The following CAPN9 variants were observed in gnomAD, a reference collection of about 807,000 sequenced individuals.
CAPN9 encodes the protein calpain-9.
Under a neutral mutation model 92.8 loss-of-function variants are expected in CAPN9, and 81 were observed. The ratio of observed to expected loss-of-function variants is 0.87; its 90% CI spans 0.73 to 1.05. CAPN9 has a LOEUF of 1.05. Ranked by LOEUF, CAPN9 falls within the 50% of genes least tolerant of loss-of-function variation. The pLI is 0.00. For missense variants in CAPN9, 848 were observed against 866.2 expected (o/e 0.98, Z 0.26); for synonymous variants, 304 against 328.0 (o/e 0.93, Z 0.79).
At chr1:230,776,321 C>T (rs568125902) in intron 8 of CAPN9, 1 of 152,286 alleles carries the variant, frequency 6.6e-6, no homozygotes, top group South Asian at 2.1e-4. Context: ...TCCCAAAGGC[C>T]CCACCTCCTG....
intron 19 of CAPN9, 107 bp downstream of exon 19, chr1:230,798,327 T>C: frequency 1.4e-6 from 1 of 739,096 alleles, no homozygotes. Flanking sequence ...GGCTGACATC[T>C]AGCTGTGGGA....
At chr1:230,750,223 C>T (rs1342523782) in intron 1 of CAPN9, among the ~76,000 whole-genome samples, 2 of 152,216 alleles carry the variant, frequency 1.3e-5, no homozygotes, top group African/African-American at 4.8e-5. Context: ...TGCCACCCAG[C>T]CCATGCCCCT....
chr1:230,771,211 A>G (rs959591279), intron 6 of CAPN9, among the ~76,000 whole-genome samples: 10 of 152,238 alleles, frequency 6.6e-5, no homozygotes, highest in Admixed American at 2.0e-4. Context: ...TGGACTCCGA[A>G]GAGTTGATGT....
intron 4 of CAPN9, among the ~76,000 whole-genome samples, chr1:230,764,497 A>G (rs1665840832): frequency 6.6e-6 from 1 of 152,208 alleles, no homozygotes; most frequent in South Asian, 2.1e-4. Context: ...AGATTGTGAG[A>G]TTTCTTGGCG....
At chr1:230,783,002 G>C (rs1667330524) in intron 11 of CAPN9, among the ~76,000 whole-genome samples, 1 of 152,184 alleles carries the variant, frequency 6.6e-6, no homozygotes, top group Non-Finnish European at 1.5e-5. Flanking sequence ...GTGCCACAGA[G>C]TGAGACTCCG....
chr1:230,752,782 A>G, intron 1 of CAPN9: 6 of 849,170 alleles, frequency 7.1e-6, no homozygotes, highest in Non-Finnish European at 8.5e-6. Context: ...GGGCTGGGCA[A>G]TCAAGACAGG....
At chr1:230,771,636 T>TAG (rs1469017594) in intron 6 of CAPN9, among the ~76,000 whole-genome samples, 2 of 152,262 alleles carry the variant, frequency 1.3e-5, no homozygotes, top group African/African-American at 4.8e-5. Context: ...TTCACTCTGC[T>TAG]AGATGCTGAA....
At chr1:230,774,734 TCTTTC>T in intron 8 of CAPN9, 103 bp downstream of exon 8, 1 of 706,940 alleles carries the variant, frequency 1.4e-6, no homozygotes, top group South Asian at 1.9e-5. Flanking sequence ...TTTCTTTCTT[TCTTTC>T]TTTTTTTTTT....
At chr1:230,780,143 A>T (rs1415446894) in intron 9 of CAPN9, 36 bp from the exon 10 acceptor site, 12 of 1,581,098 alleles carry the variant, frequency 7.6e-6, no homozygotes, top group Non-Finnish European at 9.5e-6. Context: ...GTTGTTTTTT[A>T]AAAGGGGAAA....
In CAPN9 at chr1:230,780,639, G is replaced by T. The variant is rs1168392273; in HGVS notation, c.1412G>T (p.Ser471Ile). 6.2e-7 allele frequency: 1 copy of T among 1,614,086 alleles called. No homozygotes were observed. Residue 471 changes from serine to isoleucine, a missense_variant, in exon 11 of 20, where the codon AGC becomes ATC. By Grantham distance (142) the Ser-to-Ile change is moderately radical. Coordinates refer to ENST00000271971, the MANE Select transcript of CAPN9 (RefSeq NM_006615.3). Reference sequence around the variant, plus strand: ...CCTGGGGAGTACATCCTGATTCCCAGCACTTTTGAGCCCCACCAGGAAGCT... The same window carrying T: ...CCTGGGGAGTACATCCTGATTCCCATCACTTTTGAGCCCCACCAGGAAGCT... The part of the protein sequence containing the change: ...LPPGEYILIP[S>I]TFEPHQEADF...
chr1:230,778,646 A>T (rs886866205), intron 8 of CAPN9, among the ~76,000 whole-genome samples: 1 of 152,042 alleles, frequency 6.6e-6, no homozygotes, highest in Non-Finnish European at 1.5e-5. Flanking sequence ...CTCCACTCAG[A>T]ATGTGCCCCA....
At chr1:230,752,563 G>C (rs574949467) in intron 1 of CAPN9, 1 of 430,712 alleles carries the variant, frequency 2.3e-6, no homozygotes. Flanking sequence ...AGTTGGTACG[G>C]TTGGCGGGGC....
chr1:230,757,963 C>T (rs1572018777), intron 2 of CAPN9, among the ~76,000 whole-genome samples: 1 of 152,232 alleles, frequency 6.6e-6, no homozygotes, highest in East Asian at 1.9e-4. Context: ...TCCCATAGTG[C>T]CCTCTGCTCT....
intron 17 of CAPN9, among the ~76,000 whole-genome samples, chr1:230,794,300 G>A (rs1391982412): frequency 6.6e-6 from 1 of 152,026 alleles, no homozygotes; most frequent in Non-Finnish European, 1.5e-5. Flanking sequence ...TGGCCAACAT[G>A]ATGAAACCCC....
rs7543422 is a variant in CAPN9 at position 230,752,927 on chromosome 1, G to A, written c.214-2410G>A. Among the ~76,000 whole-genome samples the A allele has an allele frequency of 7.1e-4, 108 of 152,112 alleles. 1 individual carries two copies. In the East Asian group the frequency reaches 0.015, roughly 21 times the overall value. ...CCCACCCTGAACCCTACTGCTGAGCGGGGCAGGCTATTCCTGGGACTCTAT... is the reference window on the plus strand; with the variant it reads ...CCCACCCTGAACCCTACTGCTGAGCAGGGCAGGCTATTCCTGGGACTCTAT... On this transcript the variant is annotated intron_variant, in intron 1 of 19. Transcript: ENST00000271971.
chr1:230,777,731 G>A (rs549249043), intron 8 of CAPN9, among the ~76,000 whole-genome samples: 18 of 151,816 alleles, frequency 1.2e-4, no homozygotes, highest in Non-Finnish European at 2.2e-4. Flanking sequence ...CACTTTGCTC[G>A]ATCAGATTAT....
At chr1:230,794,157 G>A (rs917518863) in intron 17 of CAPN9, among the ~76,000 whole-genome samples, 1 of 152,070 alleles carries the variant, frequency 6.6e-6, no homozygotes, top group Non-Finnish European at 1.5e-5. Context: ...AATGAAAGGG[G>A]GAAAGAAATC....
At chr1:230,771,459 T>C (rs1666382844) in intron 6 of CAPN9, among the ~76,000 whole-genome samples, 1 of 152,202 alleles carries the variant, frequency 6.6e-6, no homozygotes, top group Non-Finnish European at 1.5e-5. Context: ...ACACCTGAAA[T>C]AAGGAGAATA....
chr1:230,762,731 C>T lies in CAPN9; in HGVS notation c.481C>T (p.His161Tyr), dbSNP rs1304690442. 6.2e-7 allele frequency: 1 copy of T among 1,614,054 alleles called. No individual in the cohort carries two copies. Among genetic ancestry groups the T allele is most frequent in the African/African-American group, 1.3e-5 (1 of 74,922 alleles). Residue 161 changes from histidine to tyrosine, a missense_variant, in exon 4 of 20, where the codon CAC (histidine) becomes TAC (tyrosine). Transcript: ENST00000271971. ...CTTCAGGGACCGCTTGGTTTTCCTC[C>T]ACTCTGCCGACCACAACGAGTTCTG... ...PTFRDRLVFL[H>Y]SADHNEFWSA...
Sources: gnomAD v4.1 joint callset for allele counts (sites outside exome capture counted in the v4.1 genomes callset) on GRCh38, gnomAD v4.1.1 for gene constraint, MANE v1.5 for transcripts, NCBI Gene and HGNC (gene_info 2026-07-23, HGNC 2026-07-21) for gene names.